EXOC4: variants seen among roughly 807,000 people sequenced by gnomAD.
EXOC4 encodes exocyst complex component 4, also known as SEC8-like 1.
Under a neutral mutation model 107.2 loss-of-function variants are expected in EXOC4, and 71 were observed. The observed-to-expected ratio is 0.66, with a 90% CI of 0.55 to 0.81. The LOEUF (loss-of-function observed/expected upper bound fraction) is 0.81, where lower values mean the gene tolerates loss of function less well. EXOC4 is among the 30% of genes least tolerant of loss of function. EXOC4 has a pLI of 0.00. For synonymous variants in EXOC4, 456 were observed against 441.2 expected (o/e 1.03, Z -0.42); for missense variants, 1,108 against 1,189.6 (o/e 0.93, Z 1.01).
intron 10 of EXOC4, among the ~76,000 whole-genome samples, chr7:133,772,648 C>T (rs1380662027): frequency 6.6e-6 from 1 of 151,932 alleles, no homozygotes; most frequent in Non-Finnish European, 1.5e-5. Flanking sequence ...TTCTTAAAAA[C>T]TAAGCCATGA....
chr7:133,843,386 C>CGAGGTA (rs1798060655), intron 11 of EXOC4, among the ~76,000 whole-genome samples: 2 of 152,100 alleles, frequency 1.3e-5, no homozygotes, highest in African/African-American at 4.8e-5. Context: ...TCCTTTACCT[C>CGAGGTA]CCTGGTTAGC....
intron 11 of EXOC4, among the ~76,000 whole-genome samples, chr7:133,883,087 T>C (rs561141830): frequency 6.6e-6 from 1 of 152,246 alleles, no homozygotes; most frequent in Admixed American, 6.5e-5. Context: ...TATTCTGACT[T>C]CTATCACCAG....
At chr7:133,502,189 G>A (rs1184497153) in intron 9 of EXOC4, among the ~76,000 whole-genome samples, 2 of 151,980 alleles carry the variant, frequency 1.3e-5, no homozygotes, top group South Asian at 2.1e-4. Flanking sequence ...AAAAAGAGTC[G>A]TTTGATTTTG....
intron 7 of EXOC4, among the ~76,000 whole-genome samples, chr7:133,424,814 A>G: frequency 6.6e-6 from 1 of 152,226 alleles, no homozygotes; most frequent in East Asian, 1.9e-4. Flanking sequence ...GCTAAACTTA[A>G]GAGAGAGGGA....
chr7:133,677,005 G>T lies in EXOC4; in HGVS notation c.1514+46864G>T, dbSNP rs566279267. 6.1e-5 allele frequency among the ~76,000 whole-genome samples: 9 copies of T among 146,888 alleles called. No homozygotes were observed. In the South Asian group the frequency reaches 2.0e-3, roughly 32 times the overall value. On this transcript the variant is annotated intron_variant, in intron 10 of 17. Coordinates refer to ENST00000253861, the MANE Select transcript of EXOC4 (RefSeq NM_021807.4). ...GAGAACAAAGTGATGAATCACCAAG[G>T]CTTCAGAGTTCTTGCCTCCTTTATT...
rs148892426 is a variant in EXOC4 at position 133,381,566 on chromosome 7, A to T, written c.1182+6564A>T. On this transcript the variant is annotated intron_variant, in intron 7 of 17. Coordinates refer to ENST00000253861, the MANE Select transcript of EXOC4 (RefSeq NM_021807.4). ...ATATTCAGGGATAGGTAAGAAGAAGAGTTTAGCATAAATGAAGGTTTATTT... is the reference window on the plus strand; with the variant it reads ...ATATTCAGGGATAGGTAAGAAGAAGTGTTTAGCATAAATGAAGGTTTATTT... 1.2e-3 allele frequency among the ~76,000 whole-genome samples: 176 copies of T among 152,268 alleles called. 1 individual carries two copies. The highest frequency in any genetic ancestry group is 4.1e-3 in the African/African-American group (170 of 41,558).
chr7:133,365,937 A>G (rs1375951710), intron 6 of EXOC4, among the ~76,000 whole-genome samples: 1 of 152,208 alleles, frequency 6.6e-6, no homozygotes, highest in Non-Finnish European at 1.5e-5. Context: ...TCGTAGGGAA[A>G]TAAACATTCT....
chr7:133,827,785 T>C (rs1389754951), intron 11 of EXOC4, among the ~76,000 whole-genome samples: 1 of 152,210 alleles, frequency 6.6e-6, no homozygotes, highest in Non-Finnish European at 1.5e-5. Flanking sequence ...TGGAGGACTT[T>C]ATCTCCTTGG....
At chr7:133,458,652 A>G (rs1044106018) in intron 7 of EXOC4, among the ~76,000 whole-genome samples, 32 of 152,312 alleles carry the variant, frequency 2.1e-4, no homozygotes, top group African/African-American at 7.7e-4. Flanking sequence ...GTCTGAGGGG[A>G]CACCAGAGAA....
intron 10 of EXOC4, among the ~76,000 whole-genome samples, chr7:133,635,220 C>T (rs974813824): frequency 2.0e-5 from 3 of 152,112 alleles, no homozygotes; most frequent in Non-Finnish European, 4.4e-5. Context: ...CATTTTATTG[C>T]AGTATCAACC....
At chr7:133,356,225 T>A (rs1796017233) in intron 5 of EXOC4, 105 bp from the exon 6 acceptor site, 1 of 1,131,934 alleles carries the variant, frequency 8.8e-7, no homozygotes, top group East Asian at 2.4e-5. Context: ...CCTCTTTAAT[T>A]CTTTAAGAGA....
chr7:133,395,902 C>A (rs917993119), intron 7 of EXOC4, among the ~76,000 whole-genome samples: 3 of 151,866 alleles, frequency 2.0e-5, no homozygotes, highest in African/African-American at 7.3e-5. Context: ...ACGAACATGG[C>A]AATATGATGA....
chr7:133,470,250 A>C (rs577413748), intron 7 of EXOC4, among the ~76,000 whole-genome samples: 4 of 152,348 alleles, frequency 2.6e-5, no homozygotes, highest in African/African-American at 9.6e-5. Context: ...AAACCTCTGC[A>C]TGTATAACCA....
chr7:133,440,019 T>G (rs1022522398), intron 7 of EXOC4, among the ~76,000 whole-genome samples: 1 of 152,202 alleles, frequency 6.6e-6, no homozygotes, highest in Non-Finnish European at 1.5e-5. Context: ...AATATATTCA[T>G]TTAAAGGCAT....
At chr7:133,348,061 T>C (rs1291969969) in intron 5 of EXOC4, among the ~76,000 whole-genome samples, 2 of 152,222 alleles carry the variant, frequency 1.3e-5, no homozygotes, top group Non-Finnish European at 2.9e-5. Context: ...TATTTTGTTA[T>C]AATTCTGATG....
chr7:134,093,532 C>T, the EXOC4 span, among the ~76,000 whole-genome samples: 1 of 152,102 alleles, frequency 6.6e-6, no homozygotes, highest in African/African-American at 2.4e-5. Context: ...AGAAAACTAA[C>T]AAAGAAATCC....
At chr7:133,556,815 T>C (rs1285972247) in intron 9 of EXOC4, among the ~76,000 whole-genome samples, 1 of 152,138 alleles carries the variant, frequency 6.6e-6, no homozygotes, top group Non-Finnish European at 1.5e-5. Context: ...AAGGGCTTGA[T>C]CTTCGGGGAA....
Position 133,820,006 on chromosome 7 carries a change from G to A in EXOC4, c.1734+2462G>A, listed in dbSNP as rs568177693. Among the ~76,000 whole-genome samples, 28 of 152,180 alleles carry A rather than the reference G, an allele frequency of 1.8e-4. No individual in the cohort carries two copies. The East Asian group carries it at 4.2e-3, about 23-fold the overall frequency. On this transcript the variant is annotated intron_variant, in intron 11 of 17. Transcript: ENST00000253861. ...TGTGCCTCTTGTCCTTTAAGTCACCGTGAGGCTAGGTAAGAACTCCAGCTT... is the reference window on the plus strand; with the variant it reads ...TGTGCCTCTTGTCCTTTAAGTCACCATGAGGCTAGGTAAGAACTCCAGCTT...
intron 7 of EXOC4, among the ~76,000 whole-genome samples, chr7:133,429,533 T>C (rs1797806324): frequency 6.6e-6 from 1 of 152,240 alleles, no homozygotes. Context: ...CACCACTGTC[T>C]AATTCCAGAA....
Sources: gnomAD v4.1 joint callset for allele counts (sites outside exome capture counted in the v4.1 genomes callset) on GRCh38, gnomAD v4.1.1 for gene constraint, MANE v1.5 for transcripts, NCBI Gene and HGNC (gene_info 2026-07-23, HGNC 2026-07-21) for gene names.